SEMA5A: variants seen among roughly 807,000 people sequenced by gnomAD.
The protein encoded by SEMA5A is semaphorin 5A.
Under a neutral mutation model 135.5 loss-of-function variants are expected in SEMA5A, and 55 were observed. The observed-to-expected ratio is 0.41, with a 90% CI of 0.33 to 0.51. The LOEUF (loss-of-function observed/expected upper bound fraction) is 0.51, where lower values mean the gene tolerates loss of function less well. SEMA5A is among the 20% of genes least tolerant of loss of function. The pLI is 0.37. For missense variants in SEMA5A, 1,290 were observed against 1,419.9 expected (o/e 0.91, Z 1.47); for synonymous variants, 580 against 546.5 (o/e 1.06, Z -0.85).
In SEMA5A at chr5:9,114,385, G is replaced by A. The variant is rs541850877; in HGVS notation, c.1925+4613C>T. ...GAAAAGTTTTGGAAATAGTAGTTACGGTTATACAATAATGTGAATGTCAAT... is the reference window on the plus strand; with the variant it reads ...GAAAAGTTTTGGAAATAGTAGTTACAGTTATACAATAATGTGAATGTCAAT... On this transcript the variant is annotated intron_variant, in intron 15 of 22. Transcript: ENST00000382496. Among the ~76,000 whole-genome samples, 8 of 152,216 alleles carry A rather than the reference G, an allele frequency of 5.3e-5. No individual in the cohort carries two copies. The East Asian group carries it at 1.2e-3, about 22-fold the overall frequency.
chr5:9,386,025 C>T (rs1187105760), intron 2 of SEMA5A, among the ~76,000 whole-genome samples: 2 of 152,066 alleles, frequency 1.3e-5, no homozygotes, highest in Non-Finnish European at 2.9e-5. Context: ...TAGTCTTGAA[C>T]TCATGACCTC....
At chr5:9,448,133 T>G (rs1561261348) in intron 1 of SEMA5A, among the ~76,000 whole-genome samples, 1 of 152,194 alleles carries the variant, frequency 6.6e-6, no homozygotes, top group African/African-American at 2.4e-5. Flanking sequence ...ACCCAGGAAC[T>G]TGATTTAACA....
chr5:9,306,180 C>T (rs908082431), intron 5 of SEMA5A, among the ~76,000 whole-genome samples: 29 of 152,264 alleles, frequency 1.9e-4, no homozygotes, highest in African/African-American at 7.0e-4. Flanking sequence ...GAGTTGATAC[C>T]TTTCATCACT....
chr5:9,532,092 T>C (rs1450479389), intron 1 of SEMA5A, among the ~76,000 whole-genome samples: 1 of 152,180 alleles, frequency 6.6e-6, no homozygotes, highest in Non-Finnish European at 1.5e-5. Flanking sequence ...GCACAATAAT[T>C]CACCAAATCC....
At chr5:9,410,307 AAATT>A (rs1757059149) in intron 2 of SEMA5A, among the ~76,000 whole-genome samples, 1 of 152,244 alleles carries the variant, frequency 6.6e-6, no homozygotes, top group African/African-American at 2.4e-5. Context: ...TATGACTAAT[AAATT>A]GTCATTCTCA....
At chr5:9,154,093 A>ATATATATATATATGTGTGTG (rs372321939) in intron 12 of SEMA5A, among the ~76,000 whole-genome samples, 1 of 73,512 alleles carries the variant, frequency 1.4e-5, no homozygotes, top group Non-Finnish European at 2.4e-5. Context: ...ATATATATAT[A>ATATATATATATATGTGTGTG]TGTGTGTGTG....
chr5:9,283,014 A>T (rs554760734), intron 5 of SEMA5A, among the ~76,000 whole-genome samples: 2 of 152,202 alleles, frequency 1.3e-5, no homozygotes, highest in Admixed American at 6.5e-5. Context: ...TGGCCTAAGC[A>T]CAGTAAGACC....
rs542030877 is a variant in SEMA5A at position 9,086,565 on chromosome 5, G to A, written c.2074-19919C>T. Among the ~76,000 whole-genome samples, 345 of 152,266 alleles carry A rather than the reference G, an allele frequency of 2.3e-3. 1 individual carries two copies. Among genetic ancestry groups the A allele is most frequent in the African/African-American group, 7.6e-3 (316 of 41,556 alleles). ...CCTCCCTAGCCACATGGAATTGTAA[G>A]TCCAATAAACCTCTTTCTTTTGTAA... On this transcript the variant is annotated intron_variant, in intron 16 of 22. Coordinates refer to ENST00000382496, the MANE Select transcript of SEMA5A (RefSeq NM_003966.3).
At chr5:9,405,355 T>C (rs1756834941) in intron 2 of SEMA5A, among the ~76,000 whole-genome samples, 1 of 152,182 alleles carries the variant, frequency 6.6e-6, no homozygotes, top group Non-Finnish European at 1.5e-5. Flanking sequence ...AGTCTAAACT[T>C]TCCATTCAAA....
At chr5:9,082,941 T>C (rs1280106518) in intron 16 of SEMA5A, among the ~76,000 whole-genome samples, 3 of 152,228 alleles carry the variant, frequency 2.0e-5, no homozygotes, top group Non-Finnish European at 2.9e-5. Flanking sequence ...TTTTACTCCA[T>C]TTGTGCTCAT....
At chr5:9,198,409 C>T (rs1745532259) in intron 9 of SEMA5A, among the ~76,000 whole-genome samples, 1 of 152,206 alleles carries the variant, frequency 6.6e-6, no homozygotes, top group Non-Finnish European at 1.5e-5. Context: ...GGAAGCTGGA[C>T]TTGAACCTAA....
chr5:9,214,772 T>C (rs1746522789), intron 8 of SEMA5A, among the ~76,000 whole-genome samples: 1 of 152,244 alleles, frequency 6.6e-6, no homozygotes, highest in Non-Finnish European at 1.5e-5. Context: ...TAGGCTAGAC[T>C]ATGAGAGCAC....
At chr5:9,445,647 T>G (rs1758407115) in intron 1 of SEMA5A, among the ~76,000 whole-genome samples, 1 of 151,984 alleles carries the variant, frequency 6.6e-6, no homozygotes, top group African/African-American at 2.4e-5. Flanking sequence ...CCAGTCTGAG[T>G]GACAGAGTGA....
intron 11 of SEMA5A, among the ~76,000 whole-genome samples, chr5:9,182,155 C>CA (rs923187805): frequency 3.0e-5 from 4 of 134,746 alleles, no homozygotes; most frequent in Non-Finnish European, 6.3e-5. Context: ...TTCTGCCCCC[C>CA]ACCCCAAAAA....
Position 9,190,175 on chromosome 5 carries a change from CTTGAAATTGAAA to C in SEMA5A, c.1273+80_1273+91del, listed in dbSNP as rs1461122698. On this transcript the variant is annotated intron_variant, in intron 11 of 22. Transcript: ENST00000382496. Reference sequence around the variant, plus strand: ...GCAAAAAGAGACATCAGGCGTAAAGCTTGAAATTGAAATTGAATGTTTAGAATCTAAATCTAA... The same window carrying C: ...GCAAAAAGAGACATCAGGCGTAAAGCTTGAATGTTTAGAATCTAAATCTAA... 6.9e-5 allele frequency: 95 copies of C among 1,375,994 alleles called. 1 individual carries two copies. The Middle Eastern group carries it at 6.5e-3, about 94-fold the overall frequency. 85.2% of individuals were successfully genotyped at this position (1,375,994 alleles called of 1,614,324 possible).
chr5:9,091,495 C>G (rs935938074), intron 16 of SEMA5A, among the ~76,000 whole-genome samples: 1 of 152,166 alleles, frequency 6.6e-6, no homozygotes, highest in Non-Finnish European at 1.5e-5. Context: ...CAAATCTCTT[C>G]AGGAAGGCAC....
intron 5 of SEMA5A, among the ~76,000 whole-genome samples, chr5:9,284,888 T>C (rs926254348): frequency 6.6e-6 from 1 of 152,134 alleles, no homozygotes; most frequent in South Asian, 2.1e-4. Context: ...GAAGGATCCG[T>C]CCTGGCAGCC....
intron 12 of SEMA5A, among the ~76,000 whole-genome samples, 188 bp downstream of exon 12, chr5:9,154,300 G>A (rs1442664757): frequency 6.6e-6 from 1 of 151,660 alleles, no homozygotes; most frequent in African/African-American, 2.4e-5. Flanking sequence ...GAGGAGAACT[G>A]GTGGGTTATT....
intron 11 of SEMA5A, among the ~76,000 whole-genome samples, chr5:9,183,728 G>A (rs922174159): frequency 1.3e-5 from 2 of 152,186 alleles, no homozygotes; most frequent in African/African-American, 2.4e-5. Flanking sequence ...TCCTCAGATA[G>A]TAAAATGGGT....
Sources: gnomAD v4.1 joint callset for allele counts (sites outside exome capture counted in the v4.1 genomes callset) on GRCh38, gnomAD v4.1.1 for gene constraint, MANE v1.5 for transcripts, NCBI Gene and HGNC (gene_info 2026-07-23, HGNC 2026-07-21) for gene names.